Variants in CBLB observed in about 807,000 individuals in gnomAD.
The protein encoded by CBLB is Cbl proto-oncogene B, also known as E3 ubiquitin-protein ligase CBL-B.
A neutral mutation model predicts 104.9 loss-of-function variants in CBLB; 31 were observed. The ratio of observed to expected loss-of-function variants is 0.30; its 90% CI spans 0.22 to 0.40. The LOEUF is 0.40. CBLB is among the 10% of genes least tolerant of loss of function. The pLI is 1.00. For missense variants in CBLB, 1,062 were observed against 1,214.6 expected (o/e 0.87, Z 1.87); for synonymous variants, 440 against 422.6 (o/e 1.04, Z -0.51).
At chr3:105,753,452 C>A (rs568256291) in intron 4 of CBLB, among the ~76,000 whole-genome samples, 2 of 151,958 alleles carry the variant, frequency 1.3e-5, no homozygotes, top group South Asian at 4.2e-4. Flanking sequence ...CAATTATGTC[C>A]AGCTTCATTA....
chr3:105,693,188 G>A (rs947499569), intron 13 of CBLB, among the ~76,000 whole-genome samples: 2 of 152,028 alleles, frequency 1.3e-5, no homozygotes, highest in Admixed American at 6.6e-5. Context: ...CTGAGGAGAA[G>A]AGGTAAATTT....
At chr3:105,780,670 T>TTTTTTTTTTTG (rs1553789100) in intron 3 of CBLB, among the ~76,000 whole-genome samples, 20 of 135,202 alleles carry the variant, frequency 1.5e-4, no homozygotes, top group South Asian at 4.9e-4. Flanking sequence ...GTTTTTTTTT[T>TTTTTTTTTTTG]TTTTTTTTTT....
intron 3 of CBLB, 21 bp downstream of exon 3, chr3:105,853,393 C>T (rs189741769): frequency 1.2e-6 from 2 of 1,612,716 alleles, no homozygotes; most frequent in Admixed American, 3.3e-5. Context: ...TACACCAAAA[C>T]ATCTGAAATA....
intron 4 of CBLB, among the ~76,000 whole-genome samples, chr3:105,773,931 G>C (rs2079159126): frequency 1.3e-5 from 2 of 152,236 alleles, no homozygotes; most frequent in South Asian, 4.1e-4. Flanking sequence ...CCTCTTGGCT[G>C]CTGGGCTTGG....
chr3:105,713,010 C>G (rs2071323176), intron 10 of CBLB, among the ~76,000 whole-genome samples: 2 of 152,132 alleles, frequency 1.3e-5, no homozygotes, highest in African/African-American at 2.4e-5. Context: ...TGGCTCACAC[C>G]TGTAATCCTG....
chr3:105,863,213 A>T (rs2092232566), intron 2 of CBLB, among the ~76,000 whole-genome samples: 1 of 152,172 alleles, frequency 6.6e-6, no homozygotes, highest in South Asian at 2.1e-4. Context: ...GATTCCTTTA[A>T]ATCTTTCACT....
At chr3:105,802,964 C>A (rs972136244) in intron 3 of CBLB, among the ~76,000 whole-genome samples, 1 of 151,950 alleles carries the variant, frequency 6.6e-6, no homozygotes, top group African/African-American at 2.4e-5. Context: ...AAAATAAAAC[C>A]CCTTTGCTTA....
chr3:105,789,230 C>T (rs1227097146), intron 3 of CBLB, among the ~76,000 whole-genome samples: 4 of 152,086 alleles, frequency 2.6e-5, no homozygotes, highest in Admixed American at 6.6e-5. Context: ...ACTATTATCA[C>T]GATACTCAAT....
At position 105,776,376 on chromosome 3, in the gene CBLB, T is replaced by TA. The variant is rs1391730250; in HGVS notation, c.566+19dup. On this transcript the variant is annotated intron_variant, in intron 4 of 18. Transcript: ENST00000394030. ...CCCTTGAAAGATAGATCCACAGCTA[T>TA]AAAAATGATTTTTACTTACTTGTCT... The TA allele has an allele frequency of 6.2e-7, 1 of 1,609,964 alleles. No individual in the cohort carries two copies. Among genetic ancestry groups the TA allele is most frequent in the African/African-American group, 1.3e-5 (1 of 74,834 alleles).
intron 3 of CBLB, among the ~76,000 whole-genome samples, chr3:105,851,831 C>T (rs1560529531): frequency 6.6e-6 from 1 of 152,136 alleles, no homozygotes; most frequent in Non-Finnish European, 1.5e-5. Flanking sequence ...TAATGACAGA[C>T]TGCATTTATG....
At position 105,656,961 on chromosome 3, in the gene CBLB, A is replaced by C. The variant is rs2063391075; in HGVS notation, c.*2009T>G. On this transcript the variant is annotated 3_prime_UTR_variant, in exon 19 of 19. Transcript: ENST00000394030. ...AAAGCAAAAGAAAATTTGCCAATGC[A>C]ATTTTAAAAGTGTAAGAAACTTCAC... 1 of 219,776 alleles carries C rather than the reference A, an allele frequency of 4.6e-6. No individual in the cohort carries two copies. The highest frequency in any genetic ancestry group is 2.2e-5 in the African/African-American group (1 of 44,614). 13.6% of individuals were successfully genotyped at this position (219,776 alleles called of 1,614,324 possible).
intron 13 of CBLB, among the ~76,000 whole-genome samples, chr3:105,693,033 GAGA>G (rs1325807959): frequency 1.3e-5 from 2 of 151,722 alleles, no homozygotes; most frequent in Admixed American, 6.6e-5. Flanking sequence ...TAGAGCAATG[GAGA>G]AGATTAGAGG....
At chr3:105,729,974 G>T (rs1007717762) in intron 9 of CBLB, among the ~76,000 whole-genome samples, 7 of 152,160 alleles carry the variant, frequency 4.6e-5, no homozygotes, top group African/African-American at 1.7e-4. Context: ...AAAATATTTA[G>T]ATTATCCAAA....
chr3:105,748,267 A>C (rs1169324406), intron 5 of CBLB, among the ~76,000 whole-genome samples: 1 of 152,202 alleles, frequency 6.6e-6, no homozygotes, highest in Non-Finnish European at 1.5e-5. Flanking sequence ...ATTTTCAAGA[A>C]GAGCCAGTTA....
At chr3:105,712,370 C>T (rs922312223) in intron 10 of CBLB, among the ~76,000 whole-genome samples, 4 of 152,078 alleles carry the variant, frequency 2.6e-5, no homozygotes, top group East Asian at 1.9e-4. Context: ...CCCTTTGGTT[C>T]GCTCAGCTGC....
chr3:105,780,936 A>G (rs911759544), intron 3 of CBLB, among the ~76,000 whole-genome samples: 2 of 152,074 alleles, frequency 1.3e-5, no homozygotes, highest in Non-Finnish European at 2.9e-5. Context: ...CTGGGATTAT[A>G]AGGTGTGAGC....
At chr3:105,826,370 C>T (rs12637560) in intron 3 of CBLB, among the ~76,000 whole-genome samples, 17,795 of 152,140 alleles carry the variant, frequency 0.12, 1,265 homozygotes, top group East Asian at 0.41. Flanking sequence ...ACAAGACATG[C>T]TATCCTAGAA....
intron 12 of CBLB, among the ~76,000 whole-genome samples, chr3:105,697,160 T>C (rs750858419): frequency 6.6e-6 from 1 of 151,974 alleles, no homozygotes; most frequent in Non-Finnish European, 1.5e-5. Flanking sequence ...TTGAACATCC[T>C]AGGTACTCAT....
chr3:105,748,552 G>T lies in CBLB; in HGVS notation c.724-2514C>A, dbSNP rs533936847. On this transcript the variant is annotated intron_variant, in intron 5 of 18. Transcript: ENST00000394030. ...AACAACAGCCCCAGGGAGAAGGAAG[G>T]GAGAAGCAAAATCCCTATAATTTCT... Among the ~76,000 whole-genome samples the T allele has an allele frequency of 9.5e-4, 144 of 152,234 alleles. 1 individual carries two copies. The highest frequency in any genetic ancestry group is 3.4e-3 in the African/African-American group (143 of 41,532).
Sources: allele counts gnomAD v4.1 joint callset (sites outside exome capture counted in the v4.1 genomes callset), GRCh38; gene constraint gnomAD v4.1.1; transcripts MANE v1.5; gene names NCBI Gene and HGNC (gene_info 2026-07-23, HGNC 2026-07-21).